GSDME: variants seen among roughly 807,000 people sequenced by gnomAD.
GSDME encodes gasdermin-E.
GSDME carries 44 observed loss-of-function variants against 47.5 expected under a neutral mutation model. That is an observed-to-expected ratio of 0.93 (90% confidence interval 0.73 to 1.19). The LOEUF is 1.19. GSDME is among the 50% of genes most tolerant of loss of function. The pLI is 0.00. For missense variants in GSDME, 663 were observed against 604.2 expected, an observed-to-expected ratio of 1.10 and a Z score of -1.02; for synonymous variants, 258 against 252.8, an observed-to-expected ratio of 1.02 and a Z score of -0.20.
intron 1 of GSDME, among the ~76,000 whole-genome samples, chr7:24,750,935 C>G (rs1205547683): frequency 6.6e-6 from 1 of 152,114 alleles, no homozygotes; most frequent in African/African-American, 2.4e-5. Context: ...AAGAAAAAAA[C>G]TGAATTCCTC....
rs1366187147 is a variant in GSDME at position 24,732,798 on chromosome 7, A to G, written c.404+11764T>C. The stretch of plus-strand genomic sequence containing the variant: ...TTGGCAAGCCTCGCCACCATGGGCT[A>G]AAGTGCTTTGGTGTTCTAAATAAAC... On this transcript the variant is annotated intron_variant, in intron 3 of 9. Transcript: ENST00000645220. This position sits in a 1 kb window ranked among gnomAD's most constrained non-coding sequence, Gnocchi z 4.8. 6.6e-6 allele frequency among the ~76,000 whole-genome samples: 1 copy of G among 152,194 alleles called. No homozygotes were observed. The highest frequency in any genetic ancestry group is 2.4e-5 in the African/African-American group (1 of 41,452).
the GSDME span, among the ~76,000 whole-genome samples, chr7:24,788,919 G>A: frequency 6.6e-6 from 1 of 152,226 alleles, no homozygotes; most frequent in Non-Finnish European, 1.5e-5. The surrounding 1 kb of genome is among the most constrained non-coding windows in gnomAD (Gnocchi z 4.6). Flanking sequence ...ATTTCATTAT[G>A]TTCATATGCA....
chr7:24,765,769 C>G, the GSDME span, among the ~76,000 whole-genome samples: 1 of 152,064 alleles, frequency 6.6e-6, no homozygotes, highest in Non-Finnish European at 1.5e-5. Context: ...TCTATAATAC[C>G]CACATTTTTT....
At chr7:24,703,808 G>C (rs1384161365) in intron 8 of GSDME, 1 of 152,226 alleles carries the variant, frequency 6.6e-6, no homozygotes, top group Admixed American at 6.5e-5. Flanking sequence ...GCATTTGTCT[G>C]AAGAGAAGAT....
At chr7:24,703,251 T>G (rs1788954912) in intron 8 of GSDME, 1 of 334,380 alleles carries the variant, frequency 3.0e-6, no homozygotes, top group Admixed American at 4.1e-5. Context: ...CCATAGTTGT[T>G]TTGTTTTTGC....
the GSDME span, among the ~76,000 whole-genome samples, chr7:24,776,410 T>A: frequency 1.3e-5 from 2 of 152,108 alleles, no homozygotes; most frequent in Admixed American, 6.5e-5. Flanking sequence ...ATCAAACCTA[T>A]ACCAAAAAGA....
chr7:24,715,676 A>C (rs1278240969), intron 5 of GSDME: 1 of 321,204 alleles, frequency 3.1e-6, no homozygotes, highest in Admixed American at 4.7e-5. Context: ...TTTTTGGAAG[A>C]CAAGTCTTTT....
intron 5 of GSDME, among the ~76,000 whole-genome samples, chr7:24,715,109 CA>C (rs1789499094): frequency 1.3e-5 from 2 of 152,110 alleles, no homozygotes; most frequent in South Asian, 4.1e-4. Context: ...GACCCAGGCA[CA>C]AAAAGATGCA....
Position 24,706,264 on chromosome 7 carries a change from T to C in GSDME, c.1103A>G (p.Gln368Arg). Residue 368 changes from glutamine to arginine, a missense_variant, in exon 8 of 10, where the codon CAG becomes CGG. Gln to Arg is a conservative substitution (Grantham distance 43, BLOSUM62 1). Coordinates refer to ENST00000645220, the MANE Select transcript of GSDME (RefSeq NM_001127453.2). ...AFLQLVGCSLQGGCPGPEDAG... is the reference protein window; with the variant it reads ...AFLQLVGCSLRGGCPGPEDAG... ...ATCCTCGGGGCCCGGACACCCACCC[T>C]GTAAGCTGCACCCCACCAGCTGCAG... The C allele has an allele frequency of 6.2e-7, 1 of 1,614,194 alleles. No homozygotes were observed. Among genetic ancestry groups the C allele is most frequent in the Non-Finnish European group, 8.5e-7 (1 of 1,180,036 alleles).
chr7:24,705,144 C>G lies in GSDME; in HGVS notation c.1183+1040G>C, dbSNP rs941625460. On this transcript the variant is annotated intron_variant, in intron 8 of 9. Transcript: ENST00000645220. This position sits in a 1 kb window ranked among gnomAD's most constrained non-coding sequence, Gnocchi z 4.1. ...TGGGGTATATGAAGAAAAGACCTCT[C>G]ACAAGTCGGAGAACTCTGGCCTGTG... 3.3e-5 allele frequency: 5 copies of G among 152,200 alleles called. No homozygotes were observed. Among genetic ancestry groups the G allele is most frequent in the Non-Finnish European group, 5.9e-5 (4 of 68,044 alleles). The allele number at this position is 152,200 out of a possible 1,614,324, so 9.4% of individuals were successfully genotyped here.
chr7:24,785,591 GACTAC>G, the GSDME span, among the ~76,000 whole-genome samples: 1 of 152,242 alleles, frequency 6.6e-6, no homozygotes, highest in East Asian at 1.9e-4. Context: ...GAGTAGCTGG[GACTAC>G]AGGCACATGC....
intron 3 of GSDME, among the ~76,000 whole-genome samples, chr7:24,731,621 C>A (rs1002283730): frequency 1.3e-5 from 2 of 152,260 alleles, no homozygotes; most frequent in Non-Finnish European, 1.5e-5. Flanking sequence ...GCTAGGCAGG[C>A]TCTATACTTA....
chr7:24,741,555 G>A (rs942319453), intron 3 of GSDME, among the ~76,000 whole-genome samples: 1 of 152,102 alleles, frequency 6.6e-6, no homozygotes, highest in Non-Finnish European at 1.5e-5. Flanking sequence ...GTTTGTTTTT[G>A]ATATGTGCAC....
intron 3 of GSDME, among the ~76,000 whole-genome samples, chr7:24,719,643 A>C (rs1789701553): frequency 6.6e-6 from 1 of 151,414 alleles, no homozygotes; most frequent in African/African-American, 2.4e-5. Flanking sequence ...AAATACAAAA[A>C]TTAGCCAGGC....
chr7:24,738,640 T>G (rs1790387043), intron 3 of GSDME, among the ~76,000 whole-genome samples: 1 of 149,646 alleles, frequency 6.7e-6, no homozygotes, highest in Non-Finnish European at 1.5e-5. Flanking sequence ...ACCCTAAAAT[T>G]TATGTGGAAC....
At chr7:24,794,289 C>T in the GSDME span, among the ~76,000 whole-genome samples, 17,293 of 121,872 alleles carry the variant, frequency 0.14, 1,236 homozygotes, top group East Asian at 0.28. Flanking sequence ...TCCTCTCTCT[C>T]TCTTTCTCTC....
At chr7:24,710,071 C>T (rs796354481) in intron 6 of GSDME, among the ~76,000 whole-genome samples, 153 bp downstream of exon 6, 5 of 152,270 alleles carry the variant, frequency 3.3e-5, no homozygotes, top group African/African-American at 4.8e-5. Flanking sequence ...TGAGTCCTGC[C>T]GAGTGGACTG....
At chr7:24,768,445 G>A in the GSDME span, among the ~76,000 whole-genome samples, 1 of 152,038 alleles carries the variant, frequency 6.6e-6, no homozygotes, top group African/African-American at 2.4e-5. The surrounding 1 kb of genome is among the most constrained non-coding windows in gnomAD (Gnocchi z 5.6). Flanking sequence ...GCATGTCAAC[G>A]GGGAGGAGTC....
At chr7:24,793,852 A>G in the GSDME span, among the ~76,000 whole-genome samples, 1 of 151,210 alleles carries the variant, frequency 6.6e-6, no homozygotes, top group South Asian at 2.1e-4. Context: ...GGTTTCCTTT[A>G]AAAGTTATTT....
Sources: gnomAD v4.1 joint callset for allele counts (sites outside exome capture counted in the v4.1 genomes callset) on GRCh38, gnomAD v4.1.1 for gene constraint, Gnocchi (gnomAD v3.1) non-coding constraint, MANE v1.5 for transcripts, NCBI Gene and HGNC (gene_info 2026-07-23, HGNC 2026-07-21) for gene names.